Variants in HPF1 observed in about 807,000 individuals in gnomAD.
HPF1 encodes the protein UPF0609 protein C4orf27.
HPF1 carries 35 observed loss-of-function variants against 38.8 expected under a neutral mutation model. That is an observed-to-expected ratio of 0.90 (90% CI 0.69 to 1.19). The LOEUF (loss-of-function observed/expected upper bound fraction) is 1.19, where lower values mean the gene tolerates loss of function less well. Ranked by LOEUF, HPF1 falls within the 50% of genes most tolerant of loss-of-function variation. HPF1 has a pLI of 0.00. For missense variants in HPF1, 367 were observed against 405.8 expected (o/e 0.90, Z 0.82); for synonymous variants, 115 against 139.2 (o/e 0.83, Z 1.22).
chr4:169,745,366 C>T (rs1734034406), intron 4 of HPF1, among the ~76,000 whole-genome samples: 1 of 152,200 alleles, frequency 6.6e-6, no homozygotes, highest in Admixed American at 6.5e-5. Context: ...AGGGTCAAAG[C>T]ACCCCCAAGA....
intron 6 of HPF1, among the ~76,000 whole-genome samples, chr4:169,734,961 T>TGAA (rs1733873967): frequency 6.6e-6 from 1 of 151,982 alleles, no homozygotes; most frequent in Non-Finnish European, 1.5e-5. Context: ...ACCCTGTCTC[T>TGAA]ACTAAAAATA....
chr4:169,743,150 C>T (rs1226125607), intron 4 of HPF1, among the ~76,000 whole-genome samples: 2 of 151,872 alleles, frequency 1.3e-5, no homozygotes, highest in African/African-American at 4.8e-5. Flanking sequence ...ATTCTTGTTG[C>T]CCAGGCTGGA....
chr4:169,742,079 T>C lies in HPF1; in HGVS notation c.526A>G (p.Ile176Val), dbSNP rs1487069918. 1.2e-6 allele frequency: 2 copies of C among 1,611,734 alleles called. No homozygotes were observed. ...KLFLTKKLREITDKKKINLLK... is the reference protein window; with the variant it reads ...KLFLTKKLREVTDKKKINLLK... Reference sequence around the variant, plus strand: ...AGATTGATTTTCTTTTTATCCGTTATTTCTCTAAGTTTTTTCGTCAAAAAT... The same window carrying C: ...AGATTGATTTTCTTTTTATCCGTTACTTCTCTAAGTTTTTTCGTCAAAAAT... The change falls in exon 5 of 8, where the codon ATA becomes GTA. Residue 176 changes from isoleucine (I) to valine (V), a missense_variant. By Grantham distance (29) the Ile-to-Val change is conservative (BLOSUM62 3). Coordinates refer to ENST00000393381, the MANE Select transcript of HPF1 (RefSeq NM_017867.3).
chr4:169,743,409 CTTTTTTTTT>C (rs34941625), intron 4 of HPF1, among the ~76,000 whole-genome samples: 5 of 69,714 alleles, frequency 7.2e-5, no homozygotes, highest in Admixed American at 2.5e-4. Flanking sequence ...TGCCCCTGGC[CTTTTTTTTT>C]TTTTTTTTTT....
Position 169,757,891 on chromosome 4 carries a change from C to A in HPF1, c.-14G>T. 6.5e-7 allele frequency: 1 copy of A among 1,550,254 alleles called. No individual in the cohort carries two copies. The highest frequency in any genetic ancestry group is 8.7e-7 in the Non-Finnish European group (1 of 1,154,100). The stretch of plus-strand genomic sequence containing the variant: ...ACCGCCGACCATTCTGCAGCTGCAG[C>A]GCCAGCAGAATTCCCCGATCCGCGG... On this transcript the variant is annotated 5_prime_UTR_variant, in exon 1 of 8. Coordinates refer to ENST00000393381, the MANE Select transcript of HPF1 (RefSeq NM_017867.3).
At chr4:169,749,086 T>A (rs1292599251) in intron 3 of HPF1, among the ~76,000 whole-genome samples, 1 of 152,122 alleles carries the variant, frequency 6.6e-6, no homozygotes, top group Non-Finnish European at 1.5e-5. Context: ...AACGTAGATG[T>A]AAAAAATTGT....
chr4:169,755,251 C>A (rs1734174339), intron 1 of HPF1, among the ~76,000 whole-genome samples: 1 of 152,088 alleles, frequency 6.6e-6, no homozygotes, highest in African/African-American at 2.4e-5. Context: ...GGTTTTCAAA[C>A]AATAGACTAT....
At chr4:169,752,724 T>C (rs1734135671) in intron 2 of HPF1, among the ~76,000 whole-genome samples, 1 of 152,244 alleles carries the variant, frequency 6.6e-6, no homozygotes, top group Non-Finnish European at 1.5e-5. Context: ...AGATGTGGTA[T>C]TGGTAGGCAT....
chr4:169,737,734 G>A lies in HPF1; in HGVS notation c.662C>T (p.Thr221Ile). ...AACAACCAAGCCTGCACCATGAAAG[G>A]TCTTTGTCACAACCTACATTAAAGA... is the stretch of plus-strand genomic sequence containing the variant. ...KQRDKKVVTKTFHGAGLVVPV... is the reference protein window; with the variant it reads ...KQRDKKVVTKIFHGAGLVVPV... Residue 221 changes from threonine to isoleucine, a missense_variant, in exon 6 of 8, where the codon ACC (threonine) becomes ATC (isoleucine). Transcript: ENST00000393381. The A allele has an allele frequency of 6.2e-7, 1 of 1,610,130 alleles. No individual in the cohort carries two copies. Among genetic ancestry groups the A allele is most frequent in the Non-Finnish European group, 8.5e-7 (1 of 1,176,962 alleles).
chr4:169,746,251 A>G lies in HPF1; in HGVS notation c.497+2493T>C, dbSNP rs74544021. ...GTTGCCAATTTTTCATTTGATAAAC[A>G]ATCTGTAATACACATATTTCTGTAC... is the stretch of plus-strand genomic sequence containing the variant. On this transcript the variant is annotated intron_variant, in intron 4 of 7. Transcript: ENST00000393381. Among the ~76,000 whole-genome samples the G allele has an allele frequency of 1.8e-3, 270 of 152,324 alleles. 2 individuals carry two copies. The highest frequency in any genetic ancestry group is 6.3e-3 in the African/African-American group (262 of 41,578).
chr4:169,732,021 C>A, intron 6 of HPF1, 145 bp from the exon 7 acceptor site: 1 of 581,532 alleles, frequency 1.7e-6, no homozygotes, highest in South Asian at 2.5e-5. Flanking sequence ...TAGTCTTCAG[C>A]ACTCTAATTT....
chr4:169,745,766 T>G (rs1299241782), intron 4 of HPF1, among the ~76,000 whole-genome samples: 3 of 152,136 alleles, frequency 2.0e-5, no homozygotes, highest in Non-Finnish European at 4.4e-5. Flanking sequence ...ACATCCCGAG[T>G]AGCCACCATG....
intron 4 of HPF1, among the ~76,000 whole-genome samples, chr4:169,742,708 C>T (rs1733990760): frequency 6.6e-6 from 1 of 152,278 alleles, no homozygotes; most frequent in African/African-American, 2.4e-5. Flanking sequence ...AGGAGAACGG[C>T]GTGAACCCGG....
chr4:169,731,532 C>T (rs1191624764), intron 7 of HPF1, among the ~76,000 whole-genome samples, 172 bp downstream of exon 7: 1 of 152,058 alleles, frequency 6.6e-6, no homozygotes. Flanking sequence ...AGGACATCTA[C>T]GTTAAAAAAA....
chr4:169,740,284 CA>C (rs1733952941), intron 5 of HPF1, among the ~76,000 whole-genome samples: 2 of 152,314 alleles, frequency 1.3e-5, no homozygotes, highest in Admixed American at 1.3e-4. Flanking sequence ...GGACAAGACA[CA>C]AAACCTCTAT....
chr4:169,752,252 C>A (rs1181008441), intron 2 of HPF1, among the ~76,000 whole-genome samples: 1 of 141,866 alleles, frequency 7.0e-6, no homozygotes, highest in Non-Finnish European at 1.5e-5. Context: ...CTCACTGCAA[C>A]CTCCGCCTCC....
chr4:169,753,904 A>G (rs1037970470), intron 1 of HPF1, 69 bp from the exon 2 acceptor site: 7 of 1,182,872 alleles, frequency 5.9e-6, no homozygotes, highest in Non-Finnish European at 8.5e-6. Context: ...AGTATCTATC[A>G]CTCTTGTTCA....
intron 5 of HPF1, among the ~76,000 whole-genome samples, chr4:169,738,510 C>T (rs1345722070): frequency 6.6e-6 from 1 of 152,144 alleles, no homozygotes; most frequent in Non-Finnish European, 1.5e-5. Flanking sequence ...AGGACACAAC[C>T]CAAAAACCAA....
chr4:169,753,757 T>G lies in HPF1; in HGVS notation c.127A>C (p.Asn43His), dbSNP rs1297762821. 2.5e-6 allele frequency: 4 copies of G among 1,613,452 alleles called. No homozygotes were observed. The African/African-American group carries it at 5.3e-5, about 22-fold the overall frequency. Reference sequence around the variant, plus strand: ...TCAGGTAAAGAAAGCTTATAATGATTTTCTACTTCTTTTCGAAGGTCACTG... The same window carrying G: ...TCAGGTAAAGAAAGCTTATAATGATGTTCTACTTCTTTTCGAAGGTCACTG... ...VSSDLRKEVENHYKLSLPEDF... is the reference protein window; with the variant it reads ...VSSDLRKEVEHHYKLSLPEDF... The change falls in exon 2 of 8, where the codon AAT becomes CAT. Residue 43 changes from asparagine to histidine, a missense_variant. Transcript: ENST00000393381.
Sources: gnomAD v4.1 joint callset for allele counts (sites outside exome capture counted in the v4.1 genomes callset) on GRCh38, gnomAD v4.1.1 for gene constraint, MANE v1.5 for transcripts, NCBI Gene and HGNC (gene_info 2026-07-23, HGNC 2026-07-21) for gene names.